ENPP6: variants seen among roughly 807,000 people sequenced by gnomAD.
The protein encoded by ENPP6 is glycerophosphocholine cholinephosphodiesterase ENPP6.
A neutral mutation model predicts 42.0 loss-of-function variants in ENPP6; 32 were observed. That is an observed-to-expected ratio of 0.76 (90% confidence interval 0.58 to 1.02). ENPP6 has a LOEUF of 1.02. ENPP6 is among the 50% of genes least tolerant of loss of function. ENPP6 has a pLI of 0.00. For missense variants in ENPP6, 552 were observed against 566.8 expected, an observed-to-expected ratio of 0.97 and a Z score of 0.27; for synonymous variants, 213 against 216.0, an observed-to-expected ratio of 0.99 and a Z score of 0.12.
Position 184,196,302 on chromosome 4 carries a change from A to G in ENPP6, c.241+21277T>C, listed in dbSNP as rs539111922. Among the ~76,000 whole-genome samples, 243 of 152,360 alleles carry G rather than the reference A, an allele frequency of 1.6e-3. 1 individual carries two copies. The highest frequency in any genetic ancestry group is 2.0e-3 in the Non-Finnish European group (137 of 68,040). On this transcript the variant is annotated intron_variant, in intron 1 of 7. Coordinates refer to ENST00000296741, the MANE Select transcript of ENPP6 (RefSeq NM_153343.4). The stretch of plus-strand genomic sequence containing the variant: ...TGTGCCTGTTCTATCCTGTACGACG[A>G]TTATATTCATTTTGACACATATTTA...
intron 2 of ENPP6, among the ~76,000 whole-genome samples, chr4:184,140,420 C>A (rs1173088667): frequency 2.0e-5 from 3 of 151,954 alleles, no homozygotes; most frequent in African/African-American, 7.3e-5. Context: ...AAAAAAGAGC[C>A]CACATTGCCA....
chr4:184,116,405 C>T (rs189594708), intron 5 of ENPP6, among the ~76,000 whole-genome samples: 4 of 152,252 alleles, frequency 2.6e-5, no homozygotes, highest in South Asian at 2.1e-4. Context: ...CTCCAGCACC[C>T]GAGCTCCTGA....
chr4:184,125,959 C>T (rs1273348982), intron 2 of ENPP6, among the ~76,000 whole-genome samples: 1 of 152,096 alleles, frequency 6.6e-6, no homozygotes, highest in Non-Finnish European at 1.5e-5. Flanking sequence ...CTGTATCCAC[C>T]TTGTGCTCAG....
At chr4:184,136,413 A>T (rs573710854) in intron 2 of ENPP6, among the ~76,000 whole-genome samples, 6 of 152,142 alleles carry the variant, frequency 3.9e-5, no homozygotes, top group African/African-American at 1.4e-4. Flanking sequence ...ATTTACCTAC[A>T]CACTCAGCCT....
chr4:184,199,586 G>A (rs966971258), intron 1 of ENPP6, among the ~76,000 whole-genome samples: 2 of 152,180 alleles, frequency 1.3e-5, no homozygotes, highest in Admixed American at 6.5e-5. Context: ...AACCTGGAAG[G>A]AGAGCCCAAG....
At chr4:184,168,510 G>A (rs1234094421) in intron 1 of ENPP6, among the ~76,000 whole-genome samples, 2 of 141,314 alleles carry the variant, frequency 1.4e-5, no homozygotes, top group African/African-American at 2.9e-5. Context: ...TTGCACGGGG[G>A]TGAAAGTTAC....
At chr4:184,185,326 C>A (rs1423035758) in intron 1 of ENPP6, among the ~76,000 whole-genome samples, 1 of 152,032 alleles carries the variant, frequency 6.6e-6, no homozygotes, top group Admixed American at 6.6e-5. Flanking sequence ...AAATTCACAC[C>A]CTCCCATAAA....
intron 6 of ENPP6, among the ~76,000 whole-genome samples, chr4:184,100,362 G>A (rs377064729): frequency 5.3e-5 from 8 of 152,124 alleles, no homozygotes; most frequent in East Asian, 1.9e-4. Context: ...AGAAGGGCCC[G>A]CCACACACCT....
chr4:184,098,334 G>A (rs1735945894), intron 6 of ENPP6, among the ~76,000 whole-genome samples: 1 of 152,206 alleles, frequency 6.6e-6, no homozygotes, highest in African/African-American at 2.4e-5. Flanking sequence ...ATTGTTGTCA[G>A]CATTGAACCG....
At chr4:184,157,527 CTT>C (rs1186985395) in intron 1 of ENPP6, among the ~76,000 whole-genome samples, 3 of 136,104 alleles carry the variant, frequency 2.2e-5, no homozygotes, top group Non-Finnish European at 4.7e-5. Context: ...CTTTTTCTTT[CTT>C]TCTCTCTCTC....
intron 1 of ENPP6, among the ~76,000 whole-genome samples, chr4:184,175,414 A>G (rs906081812): frequency 2.0e-5 from 3 of 152,170 alleles, no homozygotes; most frequent in Non-Finnish European, 2.9e-5. Flanking sequence ...AAAGGCAGCC[A>G]TTGTTTTCAT....
chr4:184,094,797 G>A (rs944867228), intron 7 of ENPP6, among the ~76,000 whole-genome samples: 38 of 152,244 alleles, frequency 2.5e-4, no homozygotes, highest in Non-Finnish European at 4.6e-4. Context: ...TATCTCAAAC[G>A]TGGAGTTCTC....
chr4:184,100,265 T>C (rs1272030122), intron 6 of ENPP6, among the ~76,000 whole-genome samples: 1 of 152,242 alleles, frequency 6.6e-6, no homozygotes, highest in Non-Finnish European at 1.5e-5. Flanking sequence ...GATTTCCTTC[T>C]TTTTCCTCTG....
chr4:184,177,006 G>C (rs1737574828), intron 1 of ENPP6, among the ~76,000 whole-genome samples: 1 of 152,182 alleles, frequency 6.6e-6, no homozygotes, highest in Non-Finnish European at 1.5e-5. Flanking sequence ...ACAACCTACA[G>C]GTCAGGAGAT....
Position 184,189,524 on chromosome 4 carries a change from G to A in ENPP6, c.241+28055C>T, listed in dbSNP as rs142413644. Among the ~76,000 whole-genome samples the A allele has an allele frequency of 5.6e-4, 85 of 152,294 alleles. No homozygotes were observed. In the East Asian group the frequency reaches 0.013, roughly 23 times the overall value. ...CGGTGCTAAGCAATGCTGAAGCTCC[G>A]GTTTGAGTCCGCAGCACTGGCAGTG... On this transcript the variant is annotated intron_variant, in intron 1 of 7. Transcript: ENST00000296741.
chr4:184,141,311 T>C (rs960484850), intron 2 of ENPP6, among the ~76,000 whole-genome samples: 4 of 152,102 alleles, frequency 2.6e-5, no homozygotes, highest in Admixed American at 1.3e-4. Context: ...GGCTGCTGCC[T>C]CCGGGCCATT....
chr4:184,110,545 C>A (rs1460212467), intron 6 of ENPP6, among the ~76,000 whole-genome samples: 1 of 152,160 alleles, frequency 6.6e-6, no homozygotes, highest in African/African-American at 2.4e-5. Context: ...CTGGCCCTGG[C>A]TCTGGTATGT....
chr4:184,168,543 T>A (rs569524675), intron 1 of ENPP6, among the ~76,000 whole-genome samples: 1 of 152,322 alleles, frequency 6.6e-6, no homozygotes, highest in African/African-American at 2.4e-5. Context: ...CCCGCGGGGC[T>A]CCGGACAGCA....
At chr4:184,132,530 T>C (rs1736654981) in intron 2 of ENPP6, among the ~76,000 whole-genome samples, 1 of 152,132 alleles carries the variant, frequency 6.6e-6, no homozygotes, top group African/African-American at 2.4e-5. Flanking sequence ...GCTTCTAATT[T>C]TAATGACTTC....
Sources: gnomAD v4.1 joint callset for allele counts (sites outside exome capture counted in the v4.1 genomes callset) on GRCh38, gnomAD v4.1.1 for gene constraint, MANE v1.5 for transcripts, NCBI Gene and HGNC (gene_info 2026-07-23, HGNC 2026-07-21) for gene names.